Variants in ABCG4 observed in about 807,000 individuals in gnomAD.
The protein encoded by ABCG4 is ATP binding cassette subfamily G member 4.
In ABCG4, 35 loss-of-function variants were observed where a neutral mutation model predicts 64.6. That is an observed-to-expected ratio of 0.54 (90% CI 0.41 to 0.72). ABCG4 has a LOEUF of 0.72. Among genes scored for constraint, ABCG4 ranks in the 30% least tolerant of loss-of-function variants. The pLI, the probability that ABCG4 is intolerant of heterozygous loss-of-function variation, is 0.00. For missense variants in ABCG4, 610 were observed against 846.3 expected, an observed-to-expected ratio of 0.72 and a Z score of 3.46; for synonymous variants, 326 against 348.2, an observed-to-expected ratio of 0.94 and a Z score of 0.71.
chr11:119,153,248 CA>C (rs965268901), intron 2 of ABCG4: 1 of 153,024 alleles, frequency 6.5e-6, no homozygotes, highest in Non-Finnish European at 1.5e-5. Flanking sequence ...TGCCCGAGGT[CA>C]CACAGCTGGT....
rs1256699481 is a variant in ABCG4 at position 119,154,639 on chromosome 11, G to T, written c.540+64G>T. The T allele has an allele frequency of 4.4e-6, 7 of 1,602,428 alleles. No homozygotes were observed. In the Admixed American group the frequency reaches 1.2e-4, roughly 28 times the overall value. On this transcript the variant is annotated intron_variant, in intron 5 of 14. Transcript: ENST00000619701. The surrounding 1 kb of genome is among the most constrained non-coding windows in gnomAD (Gnocchi z 7.0). ...GTGGTGCTGCTGAGCTCAAGGCCCC[G>T]AGCTGGGAGTGGGAGAGTGGTGGCC...
rs1319556796 is a variant in ABCG4, at chr11:119,154,678, T to G, written c.541-92T>G. ...AGAGTGGTGGCCTAGGCCGAGACAA[T>G]GCACTTAAGGGAGATGCTTTTTGAA... is the stretch of plus-strand genomic sequence containing the variant. On this transcript the variant is annotated intron_variant, in intron 5 of 14. Coordinates refer to ENST00000619701, the MANE Select transcript of ABCG4 (RefSeq NM_022169.5). This position sits in a 1 kb window ranked among gnomAD's most constrained non-coding sequence, Gnocchi z 7.0. 6.3e-7 allele frequency: 1 copy of G among 1,592,470 alleles called. No homozygotes were observed. The highest frequency in any genetic ancestry group is 8.6e-7 in the Non-Finnish European group (1 of 1,168,668).
rs1592310869 is a variant in ABCG4, at chr11:119,161,706, C to T, written c.*600C>T. On this transcript the variant is annotated 3_prime_UTR_variant, in exon 15 of 15. Transcript: ENST00000619701. ...CCAGGACAGAAGCTGGGTTTTCTGT[C>T]TAGGTCACCACTCCCAATCCTGGGG... is the stretch of plus-strand genomic sequence containing the variant. 1 of 153,352 alleles carries T rather than the reference C, an allele frequency of 6.5e-6. No individual in the cohort carries two copies. 9.5% of individuals were successfully genotyped at this position (153,352 alleles called of 1,614,324 possible).
rs12277959 is a variant in ABCG4 at position 119,154,569 on chromosome 11, G to A, written c.534G>A (p.Lys178=). 7,812 of 1,613,394 alleles carry A rather than the reference G, an allele frequency of 4.8e-3. 348 individuals are homozygous for A. In the African/African-American group the frequency reaches 0.09, roughly 19 times the overall value. The change falls in exon 5 of 15, where the codon AAG becomes AAA. Residue 178 remains lysine, a synonymous_variant. Coordinates refer to ENST00000619701, the MANE Select transcript of ABCG4 (RefSeq NM_022169.5). The surrounding 1 kb of genome is among the most constrained non-coding windows in gnomAD (Gnocchi z 7.0). ...TGAGTGAGAAGCAGGAGGTGAAGAA[G>A]GAGCTGGTGAGTGGGGAAGGGAGGC... The part of the protein sequence containing the change: ...LKLSEKQEVK[K]ELVTEILTAL...
At position 119,153,867 on chromosome 11, in the gene ABCG4, G is replaced by T. The variant is rs114568348; in HGVS notation, c.239-159G>T. The T allele has an allele frequency of 8.4e-4, 561 of 668,322 alleles. 7 individuals are homozygous for T. The African/African-American group carries it at 9.1e-3, about 11-fold the overall frequency. The allele number at this position is 668,322 out of a possible 1,614,324, so 41.4% of individuals were successfully genotyped here. A position where few individuals can be genotyped will look rare whatever the true frequency, so the allele number is the denominator to read the frequency against. On this transcript the variant is annotated intron_variant, in intron 2 of 14. Coordinates refer to ENST00000619701, the MANE Select transcript of ABCG4 (RefSeq NM_022169.5). ...CTAGGGGGACGGGATGAGAGGGATG[G>T]GTTCCTGCCGGGGCTATAAGGGTTG...
At position 119,158,672 on chromosome 11, in the gene ABCG4, T is replaced by C. The variant is rs745822468; in HGVS notation, c.1283T>C (p.Phe428Ser). 1 of 1,614,168 alleles carries C rather than the reference T, an allele frequency of 6.2e-7. No individual in the cohort carries two copies. Among genetic ancestry groups the C allele is most frequent in the South Asian group, 1.1e-5 (1 of 91,090 alleles). Residue 428 changes from phenylalanine to serine, a missense_variant, in exon 11 of 15, where the codon TTC becomes TCC. Phe to Ser is a radical substitution (Grantham distance 155). Transcript: ENST00000619701. The surrounding 1 kb of genome is among the most constrained non-coding windows in gnomAD (Gnocchi z 4.5). ...GTCTTCAACAACACCGGCTGCCTCT[T>C]CTTCTCCATGCTGTTCCTCATGTTC... ...SKVFNNTGCL[F>S]FSMLFLMFAA... is the part of the protein sequence containing the mutation.
Position 119,160,355 on chromosome 11 carries a change from G to A in ABCG4, c.1566G>A (p.Leu522=), listed in dbSNP as rs766582366. ...ATALVAQSLG[L]LIGAASNSLQ... ...CCTTGGTGGCCCAATCTTTGGGGCT[G>A]CTGATCGGAGCTGCTTCCAACTCCC... is the stretch of plus-strand genomic sequence containing the variant. Residue 522 remains leucine (L), a synonymous_variant, in exon 13 of 15, where the codon CTG becomes CTA. Transcript: ENST00000619701. This position sits in a 1 kb window ranked among gnomAD's most constrained non-coding sequence, Gnocchi z 4.6. 1.2e-6 allele frequency: 2 copies of A among 1,611,986 alleles called. No homozygotes were observed. The highest frequency in any genetic ancestry group is 1.7e-6 in the Non-Finnish European group (2 of 1,178,462).
chr11:119,157,866 A>AAAAAC (rs1302648606), intron 9 of ABCG4, among the ~76,000 whole-genome samples: 5 of 152,240 alleles, frequency 3.3e-5, no homozygotes, highest in South Asian at 2.1e-4. Flanking sequence ...ACTCCGTCTC[A>AAAAAC]AAAACAAAAC....
At chr11:119,159,202 T>C (rs979751732) in intron 12 of ABCG4, among the ~76,000 whole-genome samples, 2 of 152,190 alleles carry the variant, frequency 1.3e-5, no homozygotes, top group East Asian at 1.9e-4. Flanking sequence ...AATAACCCTA[T>C]AGGGCCAGGC....
At position 119,156,552 on chromosome 11, in the gene ABCG4, T is replaced by C. The variant is rs1338735635; in HGVS notation, c.811-12T>C. 5 of 1,614,046 alleles carry C rather than the reference T, an allele frequency of 3.1e-6. No individual in the cohort carries two copies. The Admixed American group carries it at 6.7e-5, about 22-fold the overall frequency. ...CCGCTGTTCCTTCCTTACCCTTCTCTTTCTGCTGCAGCTCTACATCCTGAG... is the reference window on the plus strand; with the variant it reads ...CCGCTGTTCCTTCCTTACCCTTCTCCTTCTGCTGCAGCTCTACATCCTGAG... On this transcript the variant is annotated splice_polypyrimidine_tract_variant and intron_variant, in intron 7 of 14. Coordinates refer to ENST00000619701, the MANE Select transcript of ABCG4 (RefSeq NM_022169.5). This position sits in a 1 kb window ranked among gnomAD's most constrained non-coding sequence, Gnocchi z 5.5.
At position 119,157,025 on chromosome 11, in the gene ABCG4, G is replaced by T; in HGVS notation, c.1068+11G>T. The T allele has an allele frequency of 6.3e-7, 1 of 1,596,426 alleles. No individual in the cohort carries two copies. Among genetic ancestry groups the T allele is most frequent in the Non-Finnish European group, 8.5e-7 (1 of 1,171,838 alleles). ...CCTCCTTGTCCTCCGGTGAGTAGGG[G>T]TGGAGAGGGCAGAGCAGGCATAGTT... On this transcript the variant is annotated intron_variant, in intron 9 of 14. Coordinates refer to ENST00000619701, the MANE Select transcript of ABCG4 (RefSeq NM_022169.5).
intron 2 of ABCG4, chr11:119,153,305 C>T (rs551576258): frequency 1.3e-5 from 2 of 153,664 alleles, no homozygotes; most frequent in African/African-American, 2.4e-5. Context: ...GACTCCAAAC[C>T]GTGCTCTAAA....
chr11:119,158,480 AG>A lies in ABCG4; in HGVS notation c.1168-76del. The A allele has an allele frequency of 6.3e-7, 1 of 1,596,610 alleles. No homozygotes were observed. The highest frequency in any genetic ancestry group is 8.6e-7 in the Non-Finnish European group (1 of 1,164,560). On this transcript the variant is annotated intron_variant, in intron 10 of 14. Transcript: ENST00000619701. The surrounding 1 kb of genome is among the most constrained non-coding windows in gnomAD (Gnocchi z 4.5). Reference sequence around the variant, plus strand: ...CTCTGTGCCTGTGAGGGCAGCTCCGAGTTCCTACTCCAAGTCTACTCTGTGG... The same window carrying A: ...CTCTGTGCCTGTGAGGGCAGCTCCGATTCCTACTCCAAGTCTACTCTGTGG...
At position 119,158,719 on chromosome 11, in the gene ABCG4, C is replaced by G; in HGVS notation, c.1330C>G (p.Leu444Val). Residue 444 changes from leucine to valine, a missense_variant, in exon 11 of 15, where the codon CTC (leucine) becomes GTC (valine). Physicochemically the swap from Leu to Val is conservative, Grantham distance 32. Transcript: ENST00000619701. This position sits in a 1 kb window ranked among gnomAD's most constrained non-coding sequence, Gnocchi z 4.5. ...GTTCGCCGCCCTCATGCCAACTGTG[C>G]TCACCTGTGAGCTGAGCTGCCCTGG... is the stretch of plus-strand genomic sequence containing the variant. ...LMFAALMPTV[L>V]TFPLEMAVFM... 6.2e-7 allele frequency: 1 copy of G among 1,614,176 alleles called. No homozygotes were observed. The highest frequency in any genetic ancestry group is 8.5e-7 in the Non-Finnish European group (1 of 1,180,040).
chr11:119,161,351 C>T lies in ABCG4; in HGVS notation c.*245C>T. On this transcript the variant is annotated 3_prime_UTR_variant, in exon 15 of 15. Coordinates refer to ENST00000619701, the MANE Select transcript of ABCG4 (RefSeq NM_022169.5). ...GTTGATGCGGTTTGTAGCTTCCTCC[C>T]TACTCTCTCCAACACCTGCATGCAA... 2.1e-6 allele frequency: 1 copy of T among 482,304 alleles called. No individual in the cohort carries two copies. The highest frequency in any genetic ancestry group is 2.4e-5 in the South Asian group (1 of 40,962). 29.9% of individuals were successfully genotyped at this position (482,304 alleles called of 1,614,324 possible).
At chr11:119,159,667 C>A (rs1215054744) in intron 12 of ABCG4, among the ~76,000 whole-genome samples, 1 of 152,198 alleles carries the variant, frequency 6.6e-6, no homozygotes, top group Non-Finnish European at 1.5e-5. Flanking sequence ...CTGTTCCAAG[C>A]ATCAGGGCCA....
intron 2 of ABCG4, 162 bp from the exon 3 acceptor site, chr11:119,153,864 A>T (rs1753777242): frequency 1.5e-6 from 1 of 663,096 alleles, no homozygotes; most frequent in Admixed American, 2.5e-5. Context: ...GATGAGAGGG[A>T]TGGGTTCCTG....
At position 119,158,292 on chromosome 11, in the gene ABCG4, T is replaced by C; in HGVS notation, c.1127T>C (p.Ile376Thr). Residue 376 changes from isoleucine (I) to threonine (T), a missense_variant, in exon 10 of 15, where the codon ATC becomes ACC. Ile to Thr is a moderately conservative substitution (Grantham distance 89). Coordinates refer to ENST00000619701, the MANE Select transcript of ABCG4 (RefSeq NM_022169.5). This position sits in a 1 kb window ranked among gnomAD's most constrained non-coding sequence, Gnocchi z 4.5. The stretch of plus-strand genomic sequence containing the variant: ...ACCAGCACCCTCACACAGTTCTGCA[T>C]CCTCTTCAAGAGGACCTTCCTGTCC... ...FATSTLTQFC[I>T]LFKRTFLSIL... 1 of 1,614,026 alleles carries C rather than the reference T, an allele frequency of 6.2e-7. No individual in the cohort carries two copies. Among genetic ancestry groups the C allele is most frequent in the Non-Finnish European group, 8.5e-7 (1 of 1,179,922 alleles).
Position 119,156,393 on chromosome 11 carries a change from C to T in ABCG4, c.751C>T (p.Arg251Cys), listed in dbSNP as rs1250368527. ...CATGAAGTCCCTGGCACAGGGGGGC[C>T]GTACCATCATCTGCACCATCCACCA... Reference protein sequence around the residue: ...SLMKSLAQGGRTIICTIHQPS... With the variant: ...SLMKSLAQGGCTIICTIHQPS... The change falls in exon 7 of 15, where the codon CGT (arginine) becomes TGT (cysteine). Residue 251 changes from arginine (R) to cysteine (C), a missense_variant. Physicochemically the swap from Arg to Cys is radical, Grantham distance 180 (BLOSUM62 -3). Coordinates refer to ENST00000619701, the MANE Select transcript of ABCG4 (RefSeq NM_022169.5). The surrounding 1 kb of genome is among the most constrained non-coding windows in gnomAD (Gnocchi z 5.5). 2 of 1,614,024 alleles carry T rather than the reference C, an allele frequency of 1.2e-6. No homozygotes were observed. The highest frequency in any genetic ancestry group is 1.3e-5 in the African/African-American group (1 of 74,906).
Sources: allele counts gnomAD v4.1 joint callset (sites outside exome capture counted in the v4.1 genomes callset), GRCh38; gene constraint gnomAD v4.1.1; non-coding constraint Gnocchi (gnomAD v3.1); transcripts MANE v1.5; gene names NCBI Gene and HGNC (gene_info 2026-07-23, HGNC 2026-07-21).